The following FNIP1 variants were observed in gnomAD, a reference collection of about 807,000 sequenced individuals.
FNIP1 encodes the protein folliculin-interacting protein 1.
In FNIP1, 40 loss-of-function variants were observed where a neutral mutation model predicts 124.5. The ratio of observed to expected loss-of-function variants is 0.32; its 90% confidence interval spans 0.25 to 0.42. The LOEUF (loss-of-function observed/expected upper bound fraction) is 0.42. Ranked by LOEUF, FNIP1 falls within the 10% of genes least tolerant of loss-of-function variation. FNIP1 has a pLI of 1.00. For missense variants in FNIP1, 1,176 were observed against 1,403.7 expected, an observed-to-expected ratio of 0.84 and a Z score of 2.59; for synonymous variants, 472 against 470.6, an observed-to-expected ratio of 1.00 and a Z score of -0.04.
intron 15 of FNIP1, among the ~76,000 whole-genome samples, chr5:131,665,197 G>A (rs1404733981): frequency 6.6e-6 from 1 of 152,038 alleles, no homozygotes; most frequent in Non-Finnish European, 1.5e-5. Context: ...CTTTCCTAGA[G>A]TAAGTATTCT....
chr5:131,664,671 G>A (rs1180374676), intron 15 of FNIP1, among the ~76,000 whole-genome samples: 1 of 144,372 alleles, frequency 6.9e-6, no homozygotes, highest in East Asian at 2.0e-4. Flanking sequence ...ATAGGAGAAT[G>A]GTGAGAAACA....
chr5:131,670,606 C>G lies in FNIP1; in HGVS notation c.2965G>C (p.Val989Leu). 6.2e-7 allele frequency: 1 copy of G among 1,610,246 alleles called. No individual in the cohort carries two copies. Among genetic ancestry groups the G allele is most frequent in the Non-Finnish European group, 8.5e-7 (1 of 1,178,836 alleles). ...CCGAAGTTGGCAATGTTGGGCTGAA[C>G]AGCACTCACTTCGATTAACTTTGAC... is the stretch of plus-strand genomic sequence containing the variant. ...PGSKLIEVSA[V>L]QPNIANFGRS... is the part of the protein sequence containing the mutation. Residue 989 changes from valine to leucine, a missense_variant, in exon 15 of 18, where the codon GTT (valine) becomes CTT (leucine). Val to Leu is a conservative substitution (Grantham distance 32). Transcript: ENST00000510461.
intron 2 of FNIP1, among the ~76,000 whole-genome samples, chr5:131,733,426 T>A (rs777196382): frequency 3.9e-5 from 6 of 152,192 alleles, no homozygotes; most frequent in Non-Finnish European, 7.3e-5. Context: ...AGGGAATGCT[T>A]CCAGTTTTTG....
At chr5:131,718,366 C>T (rs952681596) in intron 5 of FNIP1, among the ~76,000 whole-genome samples, 14 of 152,082 alleles carry the variant, frequency 9.2e-5, no homozygotes, top group African/African-American at 3.1e-4. Flanking sequence ...TTGGGTTACC[C>T]CCAGGGGCTC....
rs1766768475 is a variant in FNIP1, at chr5:131,643,215, T to C, written c.*1470A>G. The C allele has an allele frequency of 6.6e-6, 1 of 152,356 alleles. No homozygotes were observed. The highest frequency in any genetic ancestry group is 1.9e-4 in the East Asian group (1 of 5,342). The allele number at this position is 152,356 out of a possible 1,614,324, so 9.4% of individuals were successfully genotyped here. ...AATACATACACAGCAAGGCAAAATG[T>C]GACCCAATGCTGTAAATTCAAGGTC... On this transcript the variant is annotated 3_prime_UTR_variant, in exon 18 of 18. Transcript: ENST00000510461.
intron 10 of FNIP1, among the ~76,000 whole-genome samples, chr5:131,700,174 G>C (rs537526612): frequency 1.3e-5 from 2 of 151,688 alleles, no homozygotes; most frequent in South Asian, 4.2e-4. Context: ...AGTAGAGATG[G>C]GGTTTCACCA....
chr5:131,706,685 ACATCC>A, intron 8 of FNIP1, 139 bp from the exon 9 acceptor site: 1 of 880,976 alleles, frequency 1.1e-6, no homozygotes, highest in Non-Finnish European at 1.6e-6. Context: ...TTAAAAGAAC[ACATCC>A]TTCTTGTAGC....
At chr5:131,729,987 C>T (rs1770023777) in intron 3 of FNIP1, among the ~76,000 whole-genome samples, 2 of 151,814 alleles carry the variant, frequency 1.3e-5, no homozygotes, top group Admixed American at 6.6e-5. Flanking sequence ...GTGATCCGCC[C>T]ACCTCAGCCT....
In FNIP1 at chr5:131,651,779, C is replaced by T. The variant is rs754616571; in HGVS notation, c.3306+23G>A. 3.7e-6 allele frequency: 6 copies of T among 1,606,612 alleles called. No individual in the cohort carries two copies. In the African/African-American group the frequency reaches 4.0e-5, roughly 11 times the overall value. On this transcript the variant is annotated intron_variant, in intron 16 of 17. Coordinates refer to ENST00000510461, the MANE Select transcript of FNIP1 (RefSeq NM_133372.3). Reference sequence around the variant, plus strand: ...GCTTTAAGCAGTGCTTAAAGTAATGCAAGCAGTGTTACACATACTTACAAA... The same window carrying T: ...GCTTTAAGCAGTGCTTAAAGTAATGTAAGCAGTGTTACACATACTTACAAA...
At chr5:131,698,785 G>A (rs1768790203) in intron 11 of FNIP1, 132 bp downstream of exon 11, 2 of 619,394 alleles carry the variant, frequency 3.2e-6, no homozygotes, top group South Asian at 5.7e-5. Context: ...GGAGCCAATG[G>A]TCTACTGAAT....
intron 3 of FNIP1, among the ~76,000 whole-genome samples, chr5:131,729,144 G>A (rs117252855): frequency 6.6e-6 from 1 of 152,166 alleles, no homozygotes; most frequent in Non-Finnish European, 1.5e-5. Flanking sequence ...GTATCTCCCA[G>A]TGAGGAGTCA....
chr5:131,777,180 TAGAAAAC>T (rs1007541675), intron 1 of FNIP1, among the ~76,000 whole-genome samples: 2 of 151,990 alleles, frequency 1.3e-5, no homozygotes, highest in East Asian at 1.9e-4. Context: ...GTAAGACTGT[TAGAAAAC>T]AGAATTTTCA....
chr5:131,669,151 G>C (rs1459590226), intron 15 of FNIP1, among the ~76,000 whole-genome samples: 1 of 152,028 alleles, frequency 6.6e-6, no homozygotes, highest in Non-Finnish European at 1.5e-5. Context: ...TACCAAAATG[G>C]ACTCAGAAAC....
At chr5:131,676,022 C>A (rs984065000) in intron 13 of FNIP1, among the ~76,000 whole-genome samples, 1 of 151,212 alleles carries the variant, frequency 6.6e-6, no homozygotes, top group African/African-American at 2.4e-5. Flanking sequence ...CCACGCCCAG[C>A]TAATTTTTTT....
intron 9 of FNIP1, among the ~76,000 whole-genome samples, chr5:131,705,004 C>CAGA (rs1416005136): frequency 6.6e-6 from 1 of 151,934 alleles, no homozygotes; most frequent in Non-Finnish European, 1.5e-5. Context: ...AGGCATCCCA[C>CAGA]AGAATGTAAA....
At chr5:131,745,093 AT>A (rs1257132305) in intron 1 of FNIP1, among the ~76,000 whole-genome samples, 2 of 152,172 alleles carry the variant, frequency 1.3e-5, no homozygotes, top group African/African-American at 2.4e-5. Context: ...CAATATGGAA[AT>A]GTGAAAAATG....
chr5:131,748,965 G>A (rs745396052), intron 1 of FNIP1, among the ~76,000 whole-genome samples: 5 of 152,004 alleles, frequency 3.3e-5, no homozygotes, highest in Non-Finnish European at 7.4e-5. Flanking sequence ...ACTCTATGTA[G>A]GCCTACGTTA....
chr5:131,710,678 T>C lies in FNIP1; in HGVS notation c.623-17A>G. 6.2e-7 allele frequency: 1 copy of C among 1,610,466 alleles called. No individual in the cohort carries two copies. Among genetic ancestry groups the C allele is most frequent in the Non-Finnish European group, 8.5e-7 (1 of 1,178,346 alleles). ...GTGAAAGACCTACATGGCAAAAACG[T>C]AAAATACACATGAAAGAGGACTGTT... On this transcript the variant is annotated splice_polypyrimidine_tract_variant and intron_variant, in intron 6 of 17. Coordinates refer to ENST00000510461, the MANE Select transcript of FNIP1 (RefSeq NM_133372.3).
chr5:131,663,968 C>T (rs1042578446), intron 15 of FNIP1, among the ~76,000 whole-genome samples: 4 of 152,024 alleles, frequency 2.6e-5, no homozygotes, highest in African/African-American at 7.3e-5. Flanking sequence ...TTGTCTAGCT[C>T]AGAGGGTTTT....
Sources: gnomAD v4.1 joint callset for allele counts (sites outside exome capture counted in the v4.1 genomes callset) on GRCh38, gnomAD v4.1.1 for gene constraint, MANE v1.5 for transcripts, NCBI Gene and HGNC (gene_info 2026-07-23, HGNC 2026-07-21) for gene names.